PLA2G4D: variants seen among roughly 807,000 people sequenced by gnomAD.
The protein encoded by PLA2G4D is cytosolic phospholipase A2 delta.
Under a neutral mutation model 94.4 loss-of-function variants are expected in PLA2G4D, and 80 were observed. The observed-to-expected ratio is 0.85, with a 90% CI of 0.71 to 1.02. The LOEUF (loss-of-function observed/expected upper bound fraction) is 1.02, where lower values mean the gene tolerates loss of function less well. Ranked by LOEUF, PLA2G4D falls within the 50% of genes least tolerant of loss-of-function variation. The pLI, the probability that PLA2G4D is intolerant of heterozygous loss-of-function variation, is 0.00. For missense variants in PLA2G4D, 1,050 were observed against 1,034.7 expected (o/e 1.01, Z -0.20); for synonymous variants, 438 against 440.9 (o/e 0.99, Z 0.08).
intron 14 of PLA2G4D, 43 bp from the exon 15 acceptor site, chr15:42,071,954 A>C (rs1889832154): frequency 1.2e-6 from 2 of 1,601,800 alleles, no homozygotes; most frequent in Non-Finnish European, 1.7e-6. Context: ...AGGGGAGTGG[A>C]TTGCGGGAGT....
At chr15:42,069,555 C>A (rs1392194854) in intron 19 of PLA2G4D, among the ~76,000 whole-genome samples, 2 of 152,030 alleles carry the variant, frequency 1.3e-5, no homozygotes, top group East Asian at 3.9e-4. Context: ...GAGAAGGGGC[C>A]CAGCCTGGGC....
At position 42,068,610 on chromosome 15, in the gene PLA2G4D, C is replaced by A; in HGVS notation, c.*105G>T. ...AGACCAGCTACAGAGGCCACCCAGGCCTGGGAGAGCCCAGAACTCCAACCA... is the reference window on the plus strand; with the variant it reads ...AGACCAGCTACAGAGGCCACCCAGGACTGGGAGAGCCCAGAACTCCAACCA... On this transcript the variant is annotated 3_prime_UTR_variant, in exon 20 of 20. Coordinates refer to ENST00000290472, the MANE Select transcript of PLA2G4D (RefSeq NM_178034.4). The A allele has an allele frequency of 9.0e-7, 1 of 1,111,838 alleles. No homozygotes were observed. The highest frequency in any genetic ancestry group is 2.4e-5 in the Admixed American group (1 of 40,878). 68.9% of individuals were successfully genotyped at this position (1,111,838 alleles called of 1,614,324 possible).
At chr15:42,073,754 G>A (rs974007136) in intron 13 of PLA2G4D, among the ~76,000 whole-genome samples, 1 of 152,196 alleles carries the variant, frequency 6.6e-6, no homozygotes, top group Non-Finnish European at 1.5e-5. Flanking sequence ...AAAACCCTCA[G>A]ATGATCCTGA....
chr15:42,093,764 A>G (rs1890287654), intron 1 of PLA2G4D, among the ~76,000 whole-genome samples: 1 of 152,200 alleles, frequency 6.6e-6, no homozygotes, highest in Non-Finnish European at 1.5e-5. Flanking sequence ...TATGAGGCAA[A>G]GGACCTCAGG....
chr15:42,080,811 C>T (rs75203669), intron 12 of PLA2G4D, among the ~76,000 whole-genome samples, 186 bp downstream of exon 12: 2,882 of 152,322 alleles, frequency 0.019, 67 homozygotes, highest in African/African-American at 0.054. Context: ...CCTCCTGCGC[C>T]GCCTCGCTCA....
chr15:42,087,720 C>G lies in PLA2G4D; in HGVS notation c.46-20G>C. On this transcript the variant is annotated intron_variant, in intron 1 of 19. Transcript: ENST00000290472. ...CTCCCCCTGAAGAGAAAATCAAACT[C>G]CAGAGTCCTTCCTGCATTCCCTCCC... The G allele has an allele frequency of 3.7e-6, 6 of 1,612,658 alleles. No homozygotes were observed. Among genetic ancestry groups the G allele is most frequent in the Non-Finnish European group, 5.1e-6 (6 of 1,178,868 alleles).
At chr15:42,089,479 G>A (rs1056437252) in intron 1 of PLA2G4D, among the ~76,000 whole-genome samples, 2 of 152,158 alleles carry the variant, frequency 1.3e-5, no homozygotes, top group African/African-American at 2.4e-5. Flanking sequence ...TGACCTCCCC[G>A]AGCAAGGTAG....
intron 1 of PLA2G4D, among the ~76,000 whole-genome samples, chr15:42,091,422 G>C (rs113384150): frequency 0.081 from 12,344 of 152,282 alleles, 585 homozygotes; most frequent in Middle Eastern, 0.14. Flanking sequence ...ACAAGAGTGC[G>C]AGCCTTCTGT....
rs368461942 is a variant in PLA2G4D, at chr15:42,082,249, G to T, written c.783+30C>A. Reference sequence around the variant, plus strand: ...GCCCAGCCTTATCTTCATTCTTACTGGCATTTCCCATCCAGTTGAGGCCAC... The same window carrying T: ...GCCCAGCCTTATCTTCATTCTTACTTGCATTTCCCATCCAGTTGAGGCCAC... On this transcript the variant is annotated intron_variant, in intron 9 of 19. Coordinates refer to ENST00000290472, the MANE Select transcript of PLA2G4D (RefSeq NM_178034.4). 12 of 1,555,442 alleles carry T rather than the reference G, an allele frequency of 7.7e-6. No individual in the cohort carries two copies. In the African/African-American group the frequency reaches 1.5e-4, roughly 19 times the overall value.
At chr15:42,091,489 T>C (rs1446914877) in intron 1 of PLA2G4D, among the ~76,000 whole-genome samples, 1 of 152,218 alleles carries the variant, frequency 6.6e-6, no homozygotes, top group Admixed American at 6.5e-5. Context: ...CGCCAGCGTC[T>C]GGGAAGATGC....
intron 12 of PLA2G4D, 72 bp from the exon 13 acceptor site, chr15:42,079,831 C>T (rs891041131): frequency 3.0e-5 from 44 of 1,454,484 alleles, no homozygotes; most frequent in Non-Finnish European, 3.8e-5. Context: ...CTGCTTCCCA[C>T]TCGGCAGCTT....
intron 6 of PLA2G4D, 71 bp from the exon 7 acceptor site, chr15:42,083,850 G>A: frequency 6.8e-7 from 1 of 1,480,298 alleles, no homozygotes; most frequent in Non-Finnish European, 9.4e-7. Context: ...TCAACCCTCT[G>A]AGACCCACTG....
intron 4 of PLA2G4D, among the ~76,000 whole-genome samples, 178 bp from the exon 5 acceptor site, chr15:42,085,709 C>A (rs948536904): frequency 6.6e-6 from 1 of 152,240 alleles, no homozygotes; most frequent in Admixed American, 6.5e-5. Context: ...GGGCTACCTG[C>A]CCACATTGCC....
At chr15:42,083,128 G>A (rs1157412486) in intron 8 of PLA2G4D, 70 bp downstream of exon 8, 1 of 1,555,956 alleles carries the variant, frequency 6.4e-7, no homozygotes, top group Non-Finnish European at 8.7e-7. Flanking sequence ...AGGGAAGGCA[G>A]GGAGGGGCCC....
Position 42,087,299 on chromosome 15 carries a change from C to T in PLA2G4D, c.255+1G>A, listed in dbSNP as rs767771463. 4 of 1,614,062 alleles carry T rather than the reference C, an allele frequency of 2.5e-6. No homozygotes were observed. The highest frequency in any genetic ancestry group is 3.4e-6 in the Non-Finnish European group (4 of 1,179,968). ...AGTGGCCAGGAGTCCCGGGCCTTCA[C>T]CTTGACCTGACTTTGGATAAGGAAA... is the stretch of plus-strand genomic sequence containing the variant. On this transcript the variant is annotated splice_donor_variant, in intron 3 of 19. Transcript: ENST00000290472. LOFTEE classifies it high-confidence loss of function.
At chr15:42,071,716 T>A in intron 15 of PLA2G4D, 58 bp downstream of exon 15, 1 of 1,293,696 alleles carries the variant, frequency 7.7e-7, no homozygotes, top group Non-Finnish European at 1.0e-6. Context: ...ACAGGACCCA[T>A]GTCCATTCAG....
At chr15:42,073,847 C>T (rs951954749) in intron 13 of PLA2G4D, among the ~76,000 whole-genome samples, 5 of 152,202 alleles carry the variant, frequency 3.3e-5, no homozygotes, top group Non-Finnish European at 7.3e-5. Context: ...TCAACACACC[C>T]AGTGTGTGTG....
rs964436939 is a variant in PLA2G4D, at chr15:42,083,239, A to G, written c.631T>C (p.Tyr211His). ...AGCTCTGTCTCTAGGGCTGCCATGT[A>G]GTGGAAGCGGAAGGCAGAGGCTGTG... ...LGTASAFRFH[Y>H]MAALETELSG... Residue 211 changes from tyrosine to histidine, a missense_variant, in exon 8 of 20, where the codon TAC becomes CAC. Tyr to His is a moderately conservative substitution (Grantham distance 83). Transcript: ENST00000290472. 1.2e-6 allele frequency: 2 copies of G among 1,614,138 alleles called. No individual in the cohort carries two copies. The highest frequency in any genetic ancestry group is 1.7e-6 in the Non-Finnish European group (2 of 1,179,994).
chr15:42,081,924 ATTC>A, intron 9 of PLA2G4D, 90 bp from the exon 10 acceptor site: 9 of 1,008,892 alleles, frequency 8.9e-6, no homozygotes, highest in Admixed American at 6.4e-5. Context: ...CTTCATCTTC[ATTC>A]TTTTTTTTTT....
Sources: gnomAD v4.1 joint callset for allele counts (sites outside exome capture counted in the v4.1 genomes callset) on GRCh38, gnomAD v4.1.1 for gene constraint, MANE v1.5 for transcripts, NCBI Gene and HGNC (gene_info 2026-07-23, HGNC 2026-07-21) for gene names.